EDA: variants seen among roughly 807,000 people sequenced by gnomAD.
The protein encoded by EDA is ectodysplasin-A.
Under a neutral mutation model 23.6 loss-of-function variants are expected in EDA, and 2 were observed. The observed-to-expected ratio is 0.08, with a 90% CI of 0.03 to 0.27. EDA has a LOEUF of 0.27. Ranked by LOEUF, EDA falls within the 10% of genes least tolerant of loss-of-function variation. The probability of loss-of-function intolerance (pLI) is 1.00; values close to 1 mark genes in which losing one functional copy is unlikely to be tolerated. For missense variants in EDA, 229 were observed against 324.2 expected, an observed-to-expected ratio of 0.71 and a Z score of 2.26; for synonymous variants, 131 against 132.0, an observed-to-expected ratio of 0.99 and a Z score of 0.05.
intron 1 of EDA, among the ~76,000 whole-genome samples, chrX:69,720,569 T>C (rs1426431645): frequency 8.0e-5 from 9 of 111,983 alleles, no homozygotes; most frequent in Non-Finnish European, 1.7e-4. Context: ...GTTTTTCAGA[T>C]TGGGTGAATT....
rs180983072 is a variant in EDA, at chrX:69,706,407, G to A, written c.396+89703G>A. Among the ~76,000 whole-genome samples the A allele has an allele frequency of 1.3e-3, 147 of 112,056 alleles. 2 individuals carry two copies. In the East Asian group the frequency reaches 0.033, roughly 25 times the overall value. The stretch of plus-strand genomic sequence containing the variant: ...TTAATAAATTTAGAGTACTATCGAT[G>A]AAAAGTGTCAAACTCTGTAAAATAT... On this transcript the variant is annotated intron_variant, in intron 1 of 7. Coordinates refer to ENST00000374552, the MANE Select transcript of EDA (RefSeq NM_001399.5).
chrX:69,707,087 G>A (rs1368243412), intron 1 of EDA, among the ~76,000 whole-genome samples: 3 of 112,279 alleles, frequency 2.7e-5, no homozygotes, highest in Non-Finnish European at 5.6e-5. Context: ...CAAAGATCAT[G>A]TTGACCAGAA....
chrX:69,939,778 G>A (rs1483216829), intron 1 of EDA, among the ~76,000 whole-genome samples: 1 of 111,730 alleles, frequency 9.0e-6, no homozygotes, highest in African/African-American at 3.3e-5. Flanking sequence ...CCAGTTTGTT[G>A]AGGGTTTTTA....
chrX:69,970,750 G>A (rs979095279), intron 2 of EDA, among the ~76,000 whole-genome samples: 1 of 111,143 alleles, frequency 9.0e-6, no homozygotes, highest in Non-Finnish European at 1.9e-5. Flanking sequence ...ACTTTACAAA[G>A]ATTTCTGTCA....
At chrX:69,705,229 A>C (rs1447590626) in intron 1 of EDA, among the ~76,000 whole-genome samples, 5 of 104,452 alleles carry the variant, frequency 4.8e-5, no homozygotes, top group Non-Finnish European at 1.0e-4. Context: ...ATCTCAAAAA[A>C]AAAAAAAAAA....
chrX:69,860,090 T>A (rs2017349446), intron 1 of EDA, among the ~76,000 whole-genome samples: 1 of 111,261 alleles, frequency 9.0e-6, no homozygotes, highest in African/African-American at 3.3e-5. Context: ...TAGATTTTTC[T>A]CCATCCCTTT....
rs893752131 is a variant in EDA, at chrX:69,885,549, G to C, written c.397-71478G>C. Among the ~76,000 whole-genome samples the C allele has an allele frequency of 3.6e-5, 4 of 112,030 alleles. No homozygotes were observed. The Admixed American group carries it at 3.8e-4, about 11-fold the overall frequency. On this transcript the variant is annotated intron_variant, in intron 1 of 7. Transcript: ENST00000374552. ...TTTCTCTTTAAGGCTGAATGGGAGA[G>C]TGCCATCAACAAGATCGTGAAACAG...
rs775538692 is a variant in EDA, at chrX:69,941,002, A to C, written c.397-16025A>C. ...TTCATTTGCTGCAAGAAATTTTTTA[A>C]TTTCCTTCTTAGTTTCTTCATTGGC... is the stretch of plus-strand genomic sequence containing the variant. On this transcript the variant is annotated intron_variant, in intron 1 of 7. Coordinates refer to ENST00000374552, the MANE Select transcript of EDA (RefSeq NM_001399.5). Among the ~76,000 whole-genome samples the C allele has an allele frequency of 2.8e-3, 308 of 111,127 alleles. 3 individuals carry two copies. The highest frequency in any genetic ancestry group is 9.7e-3 in the African/African-American group (297 of 30,629).
chrX:69,616,930 C>G (rs1206814666), intron 1 of EDA: 2 of 451,954 alleles, frequency 4.4e-6, no homozygotes, highest in Non-Finnish European at 7.6e-6. Flanking sequence ...GAAAGTCTCG[C>G]GCGCGCCCGC....
intron 1 of EDA, among the ~76,000 whole-genome samples, chrX:69,621,696 C>T (rs1932185712): frequency 9.0e-6 from 1 of 111,524 alleles, no homozygotes; most frequent in Non-Finnish European, 1.9e-5. Context: ...ATACTGTTTT[C>T]GTGACATCCA....
rs184422142 is a variant in EDA, at chrX:70,025,551, G to A, written c.527-2306G>A. 8.1e-5 allele frequency among the ~76,000 whole-genome samples: 9 copies of A among 111,778 alleles called. No individual in the cohort carries two copies. In the East Asian group the frequency reaches 2.5e-3, roughly 32 times the overall value. On this transcript the variant is annotated intron_variant, in intron 3 of 7. Coordinates refer to ENST00000374552, the MANE Select transcript of EDA (RefSeq NM_001399.5). Reference sequence around the variant, plus strand: ...TTGTTTCACAGATGTAGAAACTAAGGCTCAAGGAGAGGAAGGGATTTGCCC... The same window carrying A: ...TTGTTTCACAGATGTAGAAACTAAGACTCAAGGAGAGGAAGGGATTTGCCC...
At chrX:69,956,729 G>T (rs1470873091) in intron 1 of EDA, among the ~76,000 whole-genome samples, 1 of 111,934 alleles carries the variant, frequency 8.9e-6, no homozygotes, top group African/African-American at 3.2e-5. Context: ...AGAAATTTGT[G>T]GCTAGGCTCT....
intron 1 of EDA, among the ~76,000 whole-genome samples, chrX:69,668,279 T>G (rs1377211318): frequency 8.9e-6 from 1 of 112,020 alleles, no homozygotes; most frequent in East Asian, 2.8e-4. Flanking sequence ...GATTTCTTAC[T>G]GTTATTGATT....
At chrX:69,971,404 G>C (rs1422123890) in intron 2 of EDA, among the ~76,000 whole-genome samples, 1 of 112,537 alleles carries the variant, frequency 8.9e-6, no homozygotes, top group Non-Finnish European at 1.9e-5. Context: ...AGAAATAAGA[G>C]ATTATGAGAA....
At chrX:69,969,569 G>A (rs1171771651) in intron 2 of EDA, among the ~76,000 whole-genome samples, 1 of 111,911 alleles carries the variant, frequency 8.9e-6, no homozygotes, top group Admixed American at 9.5e-5. Context: ...TGTATACTAT[G>A]TTATTTTTAT....
At chrX:69,737,849 C>A (rs2013320875) in intron 1 of EDA, among the ~76,000 whole-genome samples, 1 of 15,213 alleles carries the variant, frequency 6.6e-5, no homozygotes, top group African/African-American at 2.7e-4. Context: ...GGATTCTAGG[C>A]TGACAGATTT....
At chrX:69,957,325 C>G in intron 2 of EDA, 193 bp downstream of exon 2, 1 of 404,051 alleles carries the variant, frequency 2.5e-6, no homozygotes, top group Non-Finnish European at 4.4e-6. Flanking sequence ...AACCCTGTCT[C>G]TACTAAAAAT....
chrX:69,782,936 G>A (rs2014999545), intron 1 of EDA, among the ~76,000 whole-genome samples: 1 of 111,854 alleles, frequency 8.9e-6, no homozygotes, highest in South Asian at 3.7e-4. Context: ...TACTTGTATA[G>A]AATACATTGA....
At chrX:69,635,347 A>G (rs747181900) in intron 1 of EDA, among the ~76,000 whole-genome samples, 194 of 111,449 alleles carry the variant, frequency 1.7e-3, no homozygotes, top group African/African-American at 5.9e-3. Flanking sequence ...GCTGAGCTCC[A>G]GTAGTATTTC....
Sources: allele counts gnomAD v4.1 joint callset (sites outside exome capture counted in the v4.1 genomes callset), GRCh38; gene constraint gnomAD v4.1.1; transcripts MANE v1.5; gene names NCBI Gene and HGNC (gene_info 2026-07-23, HGNC 2026-07-21).